Variants in ADGRL3 observed in about 807,000 individuals in gnomAD.
ADGRL3 encodes adhesion G protein-coupled receptor L3.
In ADGRL3, 62 loss-of-function variants were observed where a neutral mutation model predicts 153.5. The ratio of observed to expected loss-of-function variants is 0.40; its 90% CI spans 0.33 to 0.50. The LOEUF (loss-of-function observed/expected upper bound fraction) is 0.50. Ranked by LOEUF, ADGRL3 falls within the 20% of genes least tolerant of loss-of-function variation. The pLI, the probability that ADGRL3 is intolerant of heterozygous loss-of-function variation, is 0.47. For missense variants in ADGRL3, 1,641 were observed against 1,859.4 expected (o/e 0.88, Z 2.16); for synonymous variants, 710 against 672.5 (o/e 1.06, Z -0.86).
intron 1 of ADGRL3, among the ~76,000 whole-genome samples, chr4:61,328,925 G>A (rs2095517746): frequency 6.6e-6 from 1 of 152,072 alleles, no homozygotes; most frequent in Non-Finnish European, 1.5e-5. Context: ...TCTGTAATCA[G>A]TTCCACTATG....
chr4:62,065,795 A>G (rs1373097920), intron 25 of ADGRL3, among the ~76,000 whole-genome samples: 1 of 152,004 alleles, frequency 6.6e-6, no homozygotes, highest in Non-Finnish European at 1.5e-5. Flanking sequence ...ATCTTAAAGT[A>G]TGAGATTTTC....
chr4:61,979,680 A>G lies in ADGRL3; in HGVS notation c.2923A>G (p.Ser975Gly), dbSNP rs1229273694. ...FTFCFFRGLQ[S>G]DRNTIHKNLC... ...ATTTTGCTTTTTCCGGGGGCTCCAG[A>G]GTGACCGTAACACCATCCACAAGAA... The change falls in exon 18 of 27, where the codon AGT (serine) becomes GGT (glycine). Residue 975 changes from serine to glycine, a missense_variant. By Grantham distance (56) the Ser-to-Gly change is moderately conservative (BLOSUM62 0). Transcript: ENST00000683033. 5.6e-6 allele frequency: 9 copies of G among 1,613,776 alleles called. No individual in the cohort carries two copies. Among genetic ancestry groups the G allele is most frequent in the Non-Finnish European group, 5.9e-6 (7 of 1,179,902 alleles).
chr4:61,371,930 C>G (rs892297954), intron 1 of ADGRL3, among the ~76,000 whole-genome samples: 7 of 152,086 alleles, frequency 4.6e-5, no homozygotes, highest in African/African-American at 1.7e-4. Flanking sequence ...TTGCTCTTTT[C>G]TTTTTATTCT....
At chr4:61,675,511 T>C (rs1290295896) in intron 5 of ADGRL3, among the ~76,000 whole-genome samples, 1 of 151,814 alleles carries the variant, frequency 6.6e-6, no homozygotes, top group Non-Finnish European at 1.5e-5. Flanking sequence ...TGGGTATCTT[T>C]TTCAGAATTA....
At position 61,388,542 on chromosome 4, in the gene ADGRL3, C is replaced by T. The variant is rs75902749; in HGVS notation, c.-174+5353C>T. On this transcript the variant is annotated intron_variant, in intron 2 of 26. Transcript: ENST00000683033. Reference sequence around the variant, plus strand: ...AAATTATTGGAGTAGTTCTTTAATCCTCTATCTCACACATCCATCAGCATA... The same window carrying T: ...AAATTATTGGAGTAGTTCTTTAATCTTCTATCTCACACATCCATCAGCATA... Among the ~76,000 whole-genome samples, 511 of 152,274 alleles carry T rather than the reference C, an allele frequency of 3.4e-3. 4 individuals are homozygous for T. Among genetic ancestry groups the T allele is most frequent in the African/African-American group, 0.012 (497 of 41,552 alleles).
rs2095592928 is a variant in ADGRL3 at position 61,694,176 on chromosome 4, A to ATTTTTTTTT, written c.583+17243_583+17244insTTTTTTTTT. On this transcript the variant is annotated intron_variant, in intron 6 of 26. Transcript: ENST00000683033. ...TCCTATACTATTTTAAAATTTTGTC[A>ATTTTTTTTT]TTATTTTTTTTTTTTTTTTTTTTTT... is the stretch of plus-strand genomic sequence containing the variant. 8.4e-5 allele frequency among the ~76,000 whole-genome samples: 8 copies of ATTTTTTTTT among 94,702 alleles called. 2 individuals are homozygous for ATTTTTTTTT. The highest frequency in any genetic ancestry group is 2.9e-4 in the African/African-American group (8 of 27,122). 62.1% of individuals were successfully genotyped at this position (94,702 alleles called of 152,430 possible).
At position 61,502,728 on chromosome 4, in the gene ADGRL3, G is replaced by T. The variant is rs1579215129; in HGVS notation, c.55+5380G>T. On this transcript the variant is annotated intron_variant, in intron 3 of 26. Transcript: ENST00000683033. ...ATTTAAGATAATAGTCATATATTTT[G>T]TAACTTCAAAGATATGAAACTTGAA... 3.9e-5 allele frequency among the ~76,000 whole-genome samples: 6 copies of T among 152,146 alleles called. No individual in the cohort carries two copies. In the East Asian group the frequency reaches 1.2e-3, roughly 29 times the overall value.
At chr4:61,617,151 T>C (rs1487954386) in intron 5 of ADGRL3, among the ~76,000 whole-genome samples, 1 of 152,178 alleles carries the variant, frequency 6.6e-6, no homozygotes, top group Non-Finnish European at 1.5e-5. Flanking sequence ...TCCTAAGATT[T>C]GGTCACGAAA....
At chr4:61,291,603 TAC>T (rs1177747477) in intron 1 of ADGRL3, among the ~76,000 whole-genome samples, 22 of 10,586 alleles carry the variant, frequency 2.1e-3, no homozygotes, top group East Asian at 0.016. Context: ...TATATATATA[TAC>T]ACACACATAT....
At chr4:61,877,540 G>C (rs1417332767) in intron 9 of ADGRL3, among the ~76,000 whole-genome samples, 2 of 152,130 alleles carry the variant, frequency 1.3e-5, no homozygotes, top group Non-Finnish European at 2.9e-5. Flanking sequence ...CACATGAATG[G>C]AGACTTTTTG....
Position 61,331,806 on chromosome 4 carries a change from G to A in ADGRL3, c.-239-51318G>A, listed in dbSNP as rs552400052. Among the ~76,000 whole-genome samples the A allele has an allele frequency of 6.6e-5, 10 of 151,744 alleles. No individual in the cohort carries two copies. In the South Asian group the frequency reaches 1.0e-3, roughly 16 times the overall value. On this transcript the variant is annotated intron_variant, in intron 1 of 26. Coordinates refer to ENST00000683033, the MANE Select transcript of ADGRL3 (RefSeq NM_001387552.1). The stretch of plus-strand genomic sequence containing the variant: ...ATGAAAATATATATAATTACATTAC[G>A]GTATAGTCATTTTTCTAATATAAAT...
At chr4:61,852,737 G>A (rs2098220998) in intron 9 of ADGRL3, among the ~76,000 whole-genome samples, 2 of 152,080 alleles carry the variant, frequency 1.3e-5, no homozygotes, top group South Asian at 2.1e-4. Flanking sequence ...AAGTCTTTAT[G>A]AGTTAAGTCT....
intron 17 of ADGRL3, among the ~76,000 whole-genome samples, chr4:61,950,759 T>C (rs192215700): frequency 3.9e-4 from 59 of 152,222 alleles, no homozygotes; most frequent in Non-Finnish European, 2.9e-5. Context: ...CAAGCTCTGA[T>C]TGGTGAGTGA....
intron 6 of ADGRL3, among the ~76,000 whole-genome samples, chr4:61,683,765 A>G (rs1242348300): frequency 6.6e-6 from 1 of 152,114 alleles, no homozygotes; most frequent in Non-Finnish European, 1.5e-5. Context: ...TTTGGCTTGG[A>G]GGTGGGGTTT....
At chr4:61,459,219 G>T (rs531163078) in intron 2 of ADGRL3, among the ~76,000 whole-genome samples, 1 of 151,698 alleles carries the variant, frequency 6.6e-6, no homozygotes, top group Admixed American at 6.6e-5. Context: ...CATGATATTC[G>T]ATTCATTTTT....
At chr4:61,243,016 C>T (rs1191611822) in intron 1 of ADGRL3, among the ~76,000 whole-genome samples, 1 of 152,022 alleles carries the variant, frequency 6.6e-6, no homozygotes, top group Non-Finnish European at 1.5e-5. Context: ...AGTCTACAAA[C>T]AGCCATGGGG....
chr4:61,733,544 T>C lies in ADGRL3; in HGVS notation c.1389T>C (p.Asp463=), dbSNP rs758959229. The C allele has an allele frequency of 1.9e-6, 3 of 1,610,246 alleles. No homozygotes were observed. The South Asian group carries it at 3.3e-5, about 18-fold the overall frequency. Residue 463 remains aspartate, a synonymous_variant, in exon 8 of 27, where the codon GAT becomes GAC. Coordinates refer to ENST00000683033, the MANE Select transcript of ADGRL3 (RefSeq NM_001387552.1). ...VKYSLDFGPL[D]SRSGQAHHGQ... is the part of the protein sequence containing the mutation. ...ATTCTTTGGATTTTGGACCTCTGGA[T>C]AGTAGATCAGGTAAGTTCAACCTTT... is the stretch of plus-strand genomic sequence containing the variant.
At chr4:61,928,790 T>C (rs534019988) in intron 13 of ADGRL3, among the ~76,000 whole-genome samples, 13 of 152,102 alleles carry the variant, frequency 8.5e-5, no homozygotes, top group African/African-American at 3.1e-4. Context: ...TCAGAAGTCT[T>C]TGGGGAGACA....
intron 1 of ADGRL3, among the ~76,000 whole-genome samples, chr4:61,323,106 G>A (rs2095395632): frequency 1.3e-5 from 2 of 152,202 alleles, no homozygotes; most frequent in African/African-American, 2.4e-5. Flanking sequence ...GCCAAGGCTT[G>A]AGTCTTGCAC....
Sources: allele counts gnomAD v4.1 joint callset (sites outside exome capture counted in the v4.1 genomes callset), GRCh38; gene constraint gnomAD v4.1.1; transcripts MANE v1.5; gene names NCBI Gene and HGNC (gene_info 2026-07-23, HGNC 2026-07-21).